Variants in UBE2E2 observed in about 807,000 individuals in gnomAD.
UBE2E2 encodes the protein ubiquitin-conjugating enzyme E2 E2.
A neutral mutation model predicts 24.7 loss-of-function variants in UBE2E2; 6 were observed. That is an observed-to-expected ratio of 0.24 (90% confidence interval 0.13 to 0.48). The LOEUF (loss-of-function observed/expected upper bound fraction) is 0.48. Among genes scored for constraint, UBE2E2 ranks in the 20% least tolerant of loss-of-function variants. The pLI, the probability that UBE2E2 is intolerant of heterozygous loss-of-function variation, is 0.99. For synonymous variants in UBE2E2, 104 were observed against 83.6 expected (o/e 1.24, Z -1.33); for missense variants, 169 against 245.0 (o/e 0.69, Z 2.07).
At chr3:23,572,845 T>A (rs535695452) in intron 5 of UBE2E2, among the ~76,000 whole-genome samples, 2 of 152,340 alleles carry the variant, frequency 1.3e-5, no homozygotes, top group East Asian at 3.9e-4. Flanking sequence ...GCAGTGAATG[T>A]ACAAGTGCAA....
At chr3:23,384,420 T>C (rs912035320) in intron 3 of UBE2E2, among the ~76,000 whole-genome samples, 5 of 152,154 alleles carry the variant, frequency 3.3e-5, no homozygotes, top group African/African-American at 1.2e-4. Context: ...CACCCCAGCC[T>C]TCAAAAGTGC....
intron 3 of UBE2E2, among the ~76,000 whole-genome samples, chr3:23,243,016 G>GC: frequency 6.6e-6 from 1 of 152,040 alleles, no homozygotes; most frequent in Non-Finnish European, 1.5e-5. Flanking sequence ...AACCTGGGAG[G>GC]CGGAGGTTGC....
chr3:23,556,449 T>G (rs1433938552), intron 5 of UBE2E2, among the ~76,000 whole-genome samples: 1 of 29,030 alleles, frequency 3.4e-5, no homozygotes, highest in Non-Finnish European at 6.9e-5. Context: ...CCAATAAAAT[T>G]TATTTAAAAA....
chr3:23,217,708 G>A (rs1295225812), intron 3 of UBE2E2, among the ~76,000 whole-genome samples: 1 of 152,020 alleles, frequency 6.6e-6, no homozygotes, highest in Non-Finnish European at 1.5e-5. Context: ...TTTTAAAAAT[G>A]CAGACACATT....
intron 3 of UBE2E2, among the ~76,000 whole-genome samples, chr3:23,328,882 G>A (rs1430026054): frequency 5.9e-5 from 9 of 152,014 alleles, no homozygotes; most frequent in Admixed American, 1.3e-4. Flanking sequence ...AGCTGGTCTC[G>A]AACGCCTGAC....
rs533397843 is a variant in UBE2E2 at position 23,557,303 on chromosome 3, T to G, written c.508+24602T>G. On this transcript the variant is annotated intron_variant, in intron 5 of 5. Transcript: ENST00000396703. ...ATACTACATCATTTACTGTTGCGCA[T>G]TTTGTATGATTATCATAGACTAAGC... Among the ~76,000 whole-genome samples the G allele has an allele frequency of 2.6e-5, 4 of 152,362 alleles. No individual in the cohort carries two copies. The East Asian group carries it at 7.7e-4, about 29-fold the overall frequency.
In UBE2E2 at chr3:23,269,580, G is replaced by T. The variant is rs143063149; in HGVS notation, c.227+52268G>T. Among the ~76,000 whole-genome samples, 882 of 152,276 alleles carry T rather than the reference G, an allele frequency of 5.8e-3. 3 individuals carry two copies. The highest frequency in any genetic ancestry group is 7.4e-3 in the Non-Finnish European group (502 of 68,012). On this transcript the variant is annotated intron_variant, in intron 3 of 5. Transcript: ENST00000396703. ...TGGGAGTTGGGGTAGGAGAAAGGGA[G>T]CAGAGAGGAAAAATTTGTAACTGTC...
chr3:23,434,466 C>T (rs1056728209), intron 3 of UBE2E2, among the ~76,000 whole-genome samples: 4 of 152,052 alleles, frequency 2.6e-5, no homozygotes, highest in Admixed American at 6.6e-5. Context: ...ATTCTTGGTA[C>T]GAAACAGATA....
chr3:23,316,223 A>G lies in UBE2E2; in HGVS notation c.227+98911A>G, dbSNP rs369799202. 1.2e-4 allele frequency among the ~76,000 whole-genome samples: 19 copies of G among 152,208 alleles called. No homozygotes were observed. In the East Asian group the frequency reaches 3.3e-3, roughly 26 times the overall value. On this transcript the variant is annotated intron_variant, in intron 3 of 5. Transcript: ENST00000396703. ...GGTGATGCCTTCCCTTAGGTCCTGT[A>G]TGGGTCCAGAAGTGCCATCCAAGAG...
chr3:23,315,371 C>T (rs2132144), intron 3 of UBE2E2, among the ~76,000 whole-genome samples: 126,604 of 150,628 alleles, frequency 0.84, 53,327 homozygotes, highest in African/African-American at 0.9. Context: ...TCAAGCTCAC[C>T]AAATCTTGCT....
At chr3:23,463,807 A>T (rs1424273906) in intron 3 of UBE2E2, among the ~76,000 whole-genome samples, 1 of 151,964 alleles carries the variant, frequency 6.6e-6, no homozygotes, top group Admixed American at 6.6e-5. Context: ...ACAGTTCTAA[A>T]CTCCATTCAT....
chr3:23,408,331 G>A (rs1697416187), intron 3 of UBE2E2, among the ~76,000 whole-genome samples: 2 of 151,966 alleles, frequency 1.3e-5, no homozygotes, highest in Admixed American at 1.3e-4. Flanking sequence ...TTTTAGTATT[G>A]ACTTGGGTTT....
At chr3:23,219,581 T>C (rs1696569140) in intron 3 of UBE2E2, among the ~76,000 whole-genome samples, 1 of 152,198 alleles carries the variant, frequency 6.6e-6, no homozygotes, top group Non-Finnish European at 1.5e-5. Flanking sequence ...CTGTAATGGA[T>C]TAATTTATCA....
chr3:23,408,748 G>A (rs1428418159), intron 3 of UBE2E2, among the ~76,000 whole-genome samples: 2 of 152,110 alleles, frequency 1.3e-5, no homozygotes, highest in Non-Finnish European at 2.9e-5. Flanking sequence ...AAAACTAGCA[G>A]AGTTTTTCCA....
intron 3 of UBE2E2, among the ~76,000 whole-genome samples, chr3:23,496,268 C>T (rs959031472): frequency 1.8e-4 from 28 of 151,930 alleles, no homozygotes; most frequent in African/African-American, 6.3e-4. Context: ...GAATTTGGTA[C>T]CTATGTAATA....
chr3:23,549,316 A>T (rs1054489337), intron 5 of UBE2E2, among the ~76,000 whole-genome samples: 1 of 152,168 alleles, frequency 6.6e-6, no homozygotes, highest in African/African-American at 2.4e-5. Flanking sequence ...TTTATGCCTG[A>T]TTTCTCTAAG....
intron 3 of UBE2E2, among the ~76,000 whole-genome samples, chr3:23,285,545 C>G (rs541412887): frequency 6.6e-6 from 1 of 152,230 alleles, no homozygotes; most frequent in East Asian, 1.9e-4. Context: ...TTGTTATTGC[C>G]TGTCTTTGGA....
intron 3 of UBE2E2, among the ~76,000 whole-genome samples, chr3:23,397,498 C>G (rs762696643): frequency 6.6e-6 from 1 of 152,178 alleles, no homozygotes; most frequent in Admixed American, 6.5e-5. Flanking sequence ...CAGCTTCCCC[C>G]CTCCAAGAAA....
At chr3:23,523,447 G>A (rs1694913802) in intron 4 of UBE2E2, among the ~76,000 whole-genome samples, 5 of 152,116 alleles carry the variant, frequency 3.3e-5, no homozygotes. Context: ...CATTTGAATT[G>A]TACTTGAAAG....
Sources: allele counts gnomAD v4.1 joint callset (sites outside exome capture counted in the v4.1 genomes callset), GRCh38; gene constraint gnomAD v4.1.1; transcripts MANE v1.5; gene names NCBI Gene and HGNC (gene_info 2026-07-23, HGNC 2026-07-21).